RANBP2: variants seen among roughly 807,000 people sequenced by gnomAD.
The protein encoded by RANBP2 is RAN binding protein 2.
In RANBP2, 57 loss-of-function variants were observed where a neutral mutation model predicts 303.6. The observed-to-expected ratio is 0.19, with a 90% CI of 0.15 to 0.23. The LOEUF (loss-of-function observed/expected upper bound fraction) is 0.23, where lower values mean the gene tolerates loss of function less well. Ranked by LOEUF, RANBP2 falls within the 10% of genes least tolerant of loss-of-function variation. The probability of loss-of-function intolerance (pLI) is 1.00; values close to 1 mark genes in which losing one functional copy is unlikely to be tolerated. For missense variants in RANBP2, 3,138 were observed against 3,780.8 expected (o/e 0.83, Z 4.46); for synonymous variants, 1,167 against 1,301.5 (o/e 0.90, Z 2.23).
At chr2:108,793,538 A>G in the RANBP2 span, among the ~76,000 whole-genome samples, 1 of 151,988 alleles carries the variant, frequency 6.6e-6, no homozygotes, top group South Asian at 2.1e-4. Context: ...CTGCACATAT[A>G]CCCTATGATC....
the RANBP2 span, among the ~76,000 whole-genome samples, chr2:109,422,494 C>G: frequency 6.6e-6 from 1 of 152,186 alleles, no homozygotes. Flanking sequence ...TCCCTAAGGG[C>G]TCAGTTGCCC....
the RANBP2 span, among the ~76,000 whole-genome samples, chr2:108,853,925 A>C: frequency 5.2e-5 from 6 of 115,808 alleles, no homozygotes; most frequent in Admixed American, 5.4e-4. Flanking sequence ...TATATATATT[A>C]TATATAATTT....
the RANBP2 span, among the ~76,000 whole-genome samples, chr2:109,404,431 G>A: frequency 1.3e-5 from 2 of 152,198 alleles, no homozygotes; most frequent in African/African-American, 2.4e-5. Flanking sequence ...CTACAAGTTC[G>A]AGACTGGGAG....
the RANBP2 span, among the ~76,000 whole-genome samples, chr2:109,619,794 C>A: frequency 6.6e-6 from 1 of 152,064 alleles, no homozygotes; most frequent in Non-Finnish European, 1.5e-5. Context: ...AAGTAAATAG[C>A]ATTATTTGGA....
At chr2:109,668,093 G>A in the RANBP2 span, 1 of 153,518 alleles carries the variant, frequency 6.5e-6, no homozygotes, top group South Asian at 2.0e-4. Flanking sequence ...GTCAGGGGGC[G>A]AGAGCCCAAG....
chr2:109,253,485 GT>G, the RANBP2 span, among the ~76,000 whole-genome samples: 1 of 152,146 alleles, frequency 6.6e-6, no homozygotes, highest in Non-Finnish European at 1.5e-5. Flanking sequence ...CAGCTCTCAT[GT>G]TTCCCAGGCT....
At chr2:109,055,865 A>G in the RANBP2 span, among the ~76,000 whole-genome samples, 529 of 148,396 alleles carry the variant, frequency 3.6e-3, 5 homozygotes, top group African/African-American at 0.013. Context: ...GGTTCAAGCA[A>G]TTCTCTGCTT....
the RANBP2 span, among the ~76,000 whole-genome samples, chr2:108,835,484 A>G: frequency 6.6e-6 from 1 of 152,212 alleles, no homozygotes; most frequent in Non-Finnish European, 1.5e-5. Flanking sequence ...ACCACTGATA[A>G]CAGCGATATG....
chr2:109,288,448 A>G, the RANBP2 span, among the ~76,000 whole-genome samples: 6 of 152,242 alleles, frequency 3.9e-5, no homozygotes, highest in African/African-American at 1.4e-4. Flanking sequence ...CGATAAAGCC[A>G]GAAAGTATGA....
chr2:109,195,912 C>T, the RANBP2 span, among the ~76,000 whole-genome samples: 1 of 152,210 alleles, frequency 6.6e-6, no homozygotes, highest in Non-Finnish European at 1.5e-5. Context: ...GTTGCATTAT[C>T]TCATTACTGA....
the RANBP2 span, among the ~76,000 whole-genome samples, chr2:108,867,613 A>C: frequency 6.6e-6 from 1 of 152,194 alleles, no homozygotes; most frequent in Non-Finnish European, 1.5e-5. Context: ...TCCTCCTTCC[A>C]AAAAGGAATG....
chr2:109,340,270 G>A, the RANBP2 span, among the ~76,000 whole-genome samples: 1 of 152,106 alleles, frequency 6.6e-6, no homozygotes, highest in Non-Finnish European at 1.5e-5. Flanking sequence ...GATAATATAA[G>A]GCCAAGCTCA....
the RANBP2 span, among the ~76,000 whole-genome samples, chr2:109,202,411 T>G: frequency 2.2e-4 from 33 of 152,368 alleles, no homozygotes; most frequent in East Asian, 4.4e-3. Context: ...CCGAACTTAA[T>G]TGTACTTTTT....
chr2:109,305,120 GATA>G, the RANBP2 span, among the ~76,000 whole-genome samples: 1 of 152,142 alleles, frequency 6.6e-6, no homozygotes, highest in African/African-American at 2.4e-5. Context: ...TGATTATTCT[GATA>G]ATATTAATCT....
At chr2:109,625,131 A>G in the RANBP2 span, among the ~76,000 whole-genome samples, 1 of 151,554 alleles carries the variant, frequency 6.6e-6, no homozygotes, top group East Asian at 1.9e-4. Context: ...AGAAAAGAAA[A>G]AGAAACGCAT....
the RANBP2 span, among the ~76,000 whole-genome samples, chr2:109,060,167 A>C: frequency 6.6e-6 from 1 of 152,088 alleles, no homozygotes; most frequent in African/African-American, 2.4e-5. Flanking sequence ...GCGCCACTGC[A>C]CTCCAGCCTG....
the RANBP2 span, among the ~76,000 whole-genome samples, chr2:109,284,040 C>A: frequency 1.3e-5 from 2 of 152,256 alleles, no homozygotes; most frequent in East Asian, 3.9e-4. Flanking sequence ...TGGCATTGGG[C>A]TGCCTTCTCA....
the RANBP2 span, chr2:108,897,333 T>C: frequency 8.5e-7 from 1 of 1,171,730 alleles, no homozygotes; most frequent in Non-Finnish European, 1.2e-6. Flanking sequence ...GAAAAAAATT[T>C]TTTTAAAATT....
At chr2:109,396,590 T>C in the RANBP2 span, among the ~76,000 whole-genome samples, 1 of 152,120 alleles carries the variant, frequency 6.6e-6, no homozygotes, top group South Asian at 2.1e-4. Context: ...CTCATCAAGG[T>C]GCTACCAGCT....
Sources: allele counts gnomAD v4.1 joint callset (sites outside exome capture counted in the v4.1 genomes callset), GRCh38; gene constraint gnomAD v4.1.1; transcripts MANE v1.5; gene names NCBI Gene and HGNC (gene_info 2026-07-23, HGNC 2026-07-21).